ABCC1: variants seen among roughly 807,000 people sequenced by gnomAD.
ABCC1 encodes the protein ATP binding cassette subfamily C member 1 (ABCC1 blood group).
Under a neutral mutation model 172.9 loss-of-function variants are expected in ABCC1, and 83 were observed. The observed-to-expected ratio is 0.48, with a 90% CI of 0.40 to 0.58. The LOEUF (loss-of-function observed/expected upper bound fraction) is 0.58. Ranked by LOEUF, ABCC1 falls within the 20% of genes least tolerant of loss-of-function variation. The pLI is 0.00. For synonymous variants in ABCC1, 937 were observed against 825.2 expected (o/e 1.14, Z -2.32); for missense variants, 1,817 against 2,002.7 (o/e 0.91, Z 1.77).
intron 17 of ABCC1, among the ~76,000 whole-genome samples, chr16:16,085,610 C>T (rs112164592): frequency 0.032 from 4,851 of 152,204 alleles, 251 homozygotes; most frequent in African/African-American, 0.11. Context: ...TGAAAACCCA[C>T]CTCTACTAAA....
In ABCC1 at chr16:16,045,890, C is replaced by G. The variant is rs776470140; in HGVS notation, c.1095C>G (p.Phe365Leu). Residue 365 changes from phenylalanine (F) to leucine (L), a missense_variant, in exon 9 of 31, where the codon TTC (phenylalanine) becomes TTG (leucine). Phe to Leu is a conservative substitution (Grantham distance 22, BLOSUM62 0). This residue lies in a region of ABCC1 where 1,412 missense variants were observed against 1,600.3 expected (regional missense o/e 0.88). Coordinates refer to ENST00000399410, the MANE Select transcript of ABCC1 (RefSeq NM_004996.4). ...DTKAPDWQGY[F>L]YTVLLFVTAC... ...AGGCCCCAGACTGGCAGGGCTACTT[C>G]TACACCGTGCTGCTGTTTGTCACTG... The G allele has an allele frequency of 2.5e-6, 4 of 1,614,044 alleles. No homozygotes were observed. The highest frequency in any genetic ancestry group is 1.7e-5 in the Admixed American group (1 of 59,994).
At chr16:15,981,550 C>T (rs971976214) in intron 1 of ABCC1, among the ~76,000 whole-genome samples, 3 of 152,208 alleles carry the variant, frequency 2.0e-5, no homozygotes, top group African/African-American at 7.2e-5. Context: ...ATTTTGGCCC[C>T]TTTTAGCCAC....
chr16:15,962,351 G>C (rs545115423), intron 1 of ABCC1, among the ~76,000 whole-genome samples: 21 of 152,314 alleles, frequency 1.4e-4, no homozygotes, highest in Admixed American at 3.9e-4. Flanking sequence ...CCATGCTAAT[G>C]TCACTCTGAT....
At chr16:16,098,977 G>A in intron 19 of ABCC1, 1 of 1,251,460 alleles carries the variant, frequency 8.0e-7, no homozygotes, top group Non-Finnish European at 1.1e-6. Flanking sequence ...GTCGCTGCAT[G>A]TCTGGGGAGG....
chr16:16,098,444 C>T (rs959338932), intron 19 of ABCC1, among the ~76,000 whole-genome samples: 3 of 152,198 alleles, frequency 2.0e-5, no homozygotes, highest in African/African-American at 7.2e-5. Flanking sequence ...CATGGCAAAA[C>T]CCCGTCTCTA....
At position 16,090,591 on chromosome 16, in the gene ABCC1, AG is replaced by A; in HGVS notation, c.2644+7del. On this transcript the variant is annotated splice_donor_region_variant and intron_variant, in intron 19 of 30. Transcript: ENST00000399410. ...GGAGCAGGATGCAGAGGAGAACGGT[AG>A]GGGCAGCCCCAGGGTTCCACCCACT... 6.3e-7 allele frequency: 1 copy of A among 1,582,326 alleles called. No homozygotes were observed. Among genetic ancestry groups the A allele is most frequent in the Non-Finnish European group, 8.6e-7 (1 of 1,158,904 alleles).
At chr16:16,087,272 C>T (rs899792524) in intron 18 of ABCC1, among the ~76,000 whole-genome samples, 8 of 152,110 alleles carry the variant, frequency 5.3e-5, no homozygotes, top group African/African-American at 1.4e-4. Context: ...GGCTTCTTAG[C>T]GGGGAATCCC....
chr16:16,057,038 A>C (rs1018251313), intron 12 of ABCC1, among the ~76,000 whole-genome samples: 2 of 151,782 alleles, frequency 1.3e-5, no homozygotes, highest in African/African-American at 4.8e-5. Flanking sequence ...GTCTAAACAC[A>C]CTCTAAAATT....
At chr16:16,114,488 C>G (rs933495947) in intron 22 of ABCC1, among the ~76,000 whole-genome samples, 28 of 151,930 alleles carry the variant, frequency 1.8e-4, no homozygotes, top group Non-Finnish European at 3.8e-4. Context: ...TTACAGGCGC[C>G]AACCACCACG....
At chr16:16,080,259 CTATT>C (rs1217075088) in intron 16 of ABCC1, among the ~76,000 whole-genome samples, 2 of 152,024 alleles carry the variant, frequency 1.3e-5, no homozygotes, top group Admixed American at 6.6e-5. Context: ...CTCTGAGTAT[CTATT>C]CTTATAAATG....
At chr16:16,048,670 C>G (rs2049312611) in intron 10 of ABCC1, among the ~76,000 whole-genome samples, 1 of 152,144 alleles carries the variant, frequency 6.6e-6, no homozygotes, top group South Asian at 2.1e-4. Context: ...CTCTCAATTG[C>G]AAGGGATATA....
intron 12 of ABCC1, chr16:16,056,633 C>T (rs1205163553): frequency 2.7e-5 from 9 of 334,070 alleles, no homozygotes; most frequent in Non-Finnish European, 5.0e-5. Flanking sequence ...CACGCCAGTG[C>T]ACTCCAGCCT....
At chr16:15,975,849 C>A (rs1211063010) in intron 1 of ABCC1, among the ~76,000 whole-genome samples, 1 of 152,086 alleles carries the variant, frequency 6.6e-6, no homozygotes, top group East Asian at 1.9e-4. Flanking sequence ...AGCCGCCACA[C>A]CTGGCCACCT....
At chr16:16,118,521 A>T (rs2045004506) in intron 23 of ABCC1, among the ~76,000 whole-genome samples, 1 of 151,830 alleles carries the variant, frequency 6.6e-6, no homozygotes, top group East Asian at 1.9e-4. Flanking sequence ...AAAAGAACAA[A>T]ACAGGCCAAA....
At chr16:16,020,431 A>G (rs1243054626) in intron 5 of ABCC1, among the ~76,000 whole-genome samples, 1 of 152,182 alleles carries the variant, frequency 6.6e-6, no homozygotes, top group Non-Finnish European at 1.5e-5. Flanking sequence ...AGTTTAGACC[A>G]GGAGTTAGCC....
intron 1 of ABCC1, among the ~76,000 whole-genome samples, chr16:15,990,951 C>T (rs182529070): frequency 1.3e-5 from 2 of 151,894 alleles, no homozygotes; most frequent in African/African-American, 4.8e-5. Context: ...GTGTGAGCGA[C>T]TGCGCCCGGC....
At position 16,142,546 on chromosome 16, in the gene ABCC1, T is replaced by C. The variant is rs1394791914; in HGVS notation, c.*1265T>C. On this transcript the variant is annotated 3_prime_UTR_variant, in exon 31 of 31. Transcript: ENST00000399410. Reference sequence around the variant, plus strand: ...GGGCAGCATTGTGGAGAACTTGATATTTAGTTACTGATGCTCTTCCAGGAC... The same window carrying C: ...GGGCAGCATTGTGGAGAACTTGATACTTAGTTACTGATGCTCTTCCAGGAC... The C allele has an allele frequency of 1.3e-5, 2 of 152,182 alleles. No homozygotes were observed. The highest frequency in any genetic ancestry group is 2.4e-5 in the African/African-American group (1 of 41,450). 9.4% of individuals were successfully genotyped at this position (152,182 alleles called of 1,614,324 possible). A position where few individuals can be genotyped will look rare whatever the true frequency, so the allele number is the denominator to read the frequency against.
In ABCC1 at chr16:16,122,165, T is replaced by A; in HGVS notation, c.3581T>A (p.Val1194Glu). 6.2e-7 allele frequency: 1 copy of A among 1,614,140 alleles called. No homozygotes were observed. Among genetic ancestry groups the A allele is most frequent in the African/African-American group, 1.3e-5 (1 of 75,038 alleles). The part of the protein sequence containing the change: ...ENQKAYYPSI[V>E]ANRWLAVRLE... ...CAGAAGGCCTATTACCCCAGCATCG[T>A]GGCCAACAGGTGGGCATGGTGGGCC... The change falls in exon 24 of 31, where the codon GTG becomes GAG. Residue 1194 changes from valine to glutamate, a missense_variant. Transcript: ENST00000399410.
chr16:16,019,082 CTT>C (rs1229194882), intron 5 of ABCC1, among the ~76,000 whole-genome samples: 1 of 151,722 alleles, frequency 6.6e-6, no homozygotes, highest in African/African-American at 2.4e-5. Context: ...TCTTTTTTGT[CTT>C]TTGTTTGTTG....
Sources: gnomAD v4.1 joint callset for allele counts (sites outside exome capture counted in the v4.1 genomes callset) on GRCh38, gnomAD v4.1.1 for gene constraint, gnomAD v4.1.1 regional missense constraint, MANE v1.5 for transcripts, NCBI Gene and HGNC (gene_info 2026-07-23, HGNC 2026-07-21) for gene names.